Variants in ZNF726 observed in about 807,000 individuals in gnomAD.
ZNF726 encodes the protein zinc finger protein 92 pseudogene 3.
A neutral mutation model predicts 11.6 loss-of-function variants in ZNF726; 15 were observed. The observed-to-expected ratio is 1.29, with a 90% CI of 0.86 to 1.99. The LOEUF (loss-of-function observed/expected upper bound fraction) is 1.99. Among genes scored for constraint, ZNF726 ranks in the 30% most tolerant of loss-of-function variants. The pLI, the probability that ZNF726 is intolerant of heterozygous loss-of-function variation, is 0.00. For synonymous variants in ZNF726, 295 were observed against 243.6 expected, an observed-to-expected ratio of 1.21 and a Z score of -1.96; for missense variants, 890 against 725.6, an observed-to-expected ratio of 1.23 and a Z score of -2.60.
At chr19:23,937,680 G>C (rs1279503215), downstream of ZNF726, among the ~76,000 whole-genome samples, 2 of 151,658 alleles carry the variant, frequency 1.3e-5, no homozygotes, top group African/African-American at 4.8e-5. Flanking sequence ...CAGGCAGAGG[G>C]GCTCCTCACA....
intron 1 of ZNF726, among the ~76,000 whole-genome samples, chr19:23,917,726 A>G (rs1967739143): frequency 6.6e-6 from 1 of 152,220 alleles, no homozygotes. Context: ...TGAAAGGAAT[A>G]CATAGTTTTG....
chr19:23,938,533 GT>G (rs1002077841), downstream of ZNF726, among the ~76,000 whole-genome samples: 2 of 148,518 alleles, frequency 1.3e-5, no homozygotes, highest in East Asian at 4.0e-4. Flanking sequence ...CAAATTCTCT[GT>G]TTTAACTTGA....
rs528425797 is a variant in ZNF726, at chr19:23,932,179, T to C, written c.227-164T>C. ...ACATTTCCCACAGATGTATTTTGGTTTGTAAGTTTTTGTTACATTTAAATG... is the reference window on the plus strand; with the variant it reads ...ACATTTCCCACAGATGTATTTTGGTCTGTAAGTTTTTGTTACATTTAAATG... On this transcript the variant is annotated intron_variant, in intron 3 of 3. Transcript: ENST00000594466. 7.2e-5 allele frequency among the ~76,000 whole-genome samples: 11 copies of C among 152,302 alleles called. No individual in the cohort carries two copies. The South Asian group carries it at 2.3e-3, about 32-fold the overall frequency.
At chr19:23,915,224 T>C (rs1389002576) in intron 1 of ZNF726, among the ~76,000 whole-genome samples, 1 of 152,154 alleles carries the variant, frequency 6.6e-6, no homozygotes, top group Non-Finnish European at 1.5e-5. Context: ...TGCCCTGGCC[T>C]GGAGCCCTCT....
intron 3 of ZNF726, among the ~76,000 whole-genome samples, chr19:23,925,991 A>G (rs1422375724): frequency 1.3e-5 from 2 of 152,072 alleles, no homozygotes; most frequent in Admixed American, 6.5e-5. Context: ...CTGCAATTAC[A>G]GGTGTGAGCC....
Position 23,933,338 on chromosome 19 carries a change from C to T in ZNF726, c.1222C>T (p.Arg408Ter), listed in dbSNP as rs751639302. The T allele has an allele frequency of 6.8e-5, 109 of 1,611,536 alleles. No individual in the cohort carries two copies. Among genetic ancestry groups the T allele is most frequent in the African/African-American group, 3.5e-4 (26 of 74,324 alleles). The part of the protein sequence containing the change: ...KCEECGKAFH[R>*]SSNLTKHKII... ...TGAAGAATGTGGCAAAGCTTTTCAT[C>T]GATCCTCAAATCTTACTAAACATAA... Residue 408 changes from arginine to a stop codon, truncating the protein, a stop_gained, in exon 4 of 4, where the codon CGA (arginine) becomes TGA (stop). Transcript: ENST00000594466. LOFTEE classifies it low-confidence loss of function (END_TRUNC).
rs1307723016 is a variant in ZNF726, at chr19:23,914,973, C to A, written c.-22C>A. 1 of 1,613,514 alleles carries A rather than the reference C, an allele frequency of 6.2e-7. No homozygotes were observed. The highest frequency in any genetic ancestry group is 1.3e-5 in the African/African-American group (1 of 74,918). On this transcript the variant is annotated 5_prime_UTR_variant, in exon 1 of 4. Coordinates refer to ENST00000594466, the MANE Select transcript of ZNF726 (RefSeq NM_001244038.2). ...GGGCGCAGCCTCTGTGGCCCTGTGA[C>A]CTGCCCCCTGGAAGCCTAGAAATGG...
intron 3 of ZNF726, among the ~76,000 whole-genome samples, chr19:23,926,522 C>T (rs538724724): frequency 6.7e-6 from 1 of 150,216 alleles, no homozygotes; most frequent in African/African-American, 2.5e-5. Flanking sequence ...CCACTGCACT[C>T]CACCTGGGCT....
At chr19:23,919,646 G>T in intron 2 of ZNF726, 147 bp downstream of exon 2, 1 of 1,067,976 alleles carries the variant, frequency 9.4e-7, no homozygotes. Flanking sequence ...ATTTCTTCAA[G>T]ATGTTTCATC....
Position 23,933,365 on chromosome 19 carries a change from A to G in ZNF726, c.1249A>G (p.Ile417Val), listed in dbSNP as rs142813729. The change falls in exon 4 of 4, where the codon ATA (isoleucine) becomes GTA (valine). Residue 417 changes from isoleucine (I) to valine (V), a missense_variant. Coordinates refer to ENST00000594466, the MANE Select transcript of ZNF726 (RefSeq NM_001244038.2). The part of the protein sequence containing the change: ...HRSSNLTKHK[I>V]IHTGEKPYKC... The stretch of plus-strand genomic sequence containing the variant: ...ATCCTCAAATCTTACTAAACATAAG[A>G]TAATTCATACTGGAGAGAAACCTTA... 18 of 1,612,962 alleles carry G rather than the reference A, an allele frequency of 1.1e-5. No homozygotes were observed. Among genetic ancestry groups the G allele is most frequent in the Non-Finnish European group, 1.4e-5 (17 of 1,179,810 alleles).
downstream of ZNF726, among the ~76,000 whole-genome samples, chr19:23,937,141 AC>A (rs1366075259): frequency 8.6e-6 from 1 of 115,950 alleles, no homozygotes; most frequent in Non-Finnish European, 1.8e-5. Flanking sequence ...GGGGGGGCTG[AC>A]CCCCCCACCT....
chr19:23,942,794 G>A (rs1287737293), intron 3 of ZNF726, among the ~76,000 whole-genome samples: 2 of 151,984 alleles, frequency 1.3e-5, no homozygotes, highest in Non-Finnish European at 2.9e-5. Context: ...GTTTTCTTTT[G>A]GTGTCCATTT....
chr19:23,931,784 C>G (rs922581812), intron 3 of ZNF726, among the ~76,000 whole-genome samples: 2 of 152,122 alleles, frequency 1.3e-5, no homozygotes, highest in Non-Finnish European at 2.9e-5. Flanking sequence ...TAATCACTTG[C>G]TACACCTGTT....
intron 3 of ZNF726, among the ~76,000 whole-genome samples, chr19:23,939,978 T>C (rs1289738807): frequency 1.3e-5 from 2 of 151,638 alleles, no homozygotes; most frequent in Non-Finnish European, 2.9e-5. Context: ...GTGAGTTCTC[T>C]GTTTACTCCG....
chr19:23,927,460 G>T (rs1968013149), intron 3 of ZNF726, among the ~76,000 whole-genome samples: 1 of 151,850 alleles, frequency 6.6e-6, no homozygotes. Flanking sequence ...TGTAATTTTG[G>T]TCTTCTTAAA....
chr19:23,933,484 A>G lies in ZNF726; in HGVS notation c.1368A>G (p.Glu456=), dbSNP rs750425099. ...IHTREKPYKC[E]ECSKAFSRSS... Reference sequence around the variant, plus strand: ...CTAGAGAGAAACCCTACAAATGTGAAGAATGTAGTAAAGCATTTAGCCGAT... The same window carrying G: ...CTAGAGAGAAACCCTACAAATGTGAGGAATGTAGTAAAGCATTTAGCCGAT... The change falls in exon 4 of 4, where the codon GAA becomes GAG. Residue 456 remains glutamate (E), a synonymous_variant. Coordinates refer to ENST00000594466, the MANE Select transcript of ZNF726 (RefSeq NM_001244038.2). The G allele has an allele frequency of 1.7e-5, 27 of 1,612,778 alleles. 1 individual carries two copies. Among genetic ancestry groups the G allele is most frequent in the Middle Eastern group, 1.7e-4 (1 of 6,060 alleles).
intron 4 of ZNF726, chr19:23,944,362 T>A (rs1354985321): frequency 6.6e-6 from 1 of 152,190 alleles, no homozygotes; most frequent in African/African-American, 2.4e-5. Flanking sequence ...TTTCTTTGAG[T>A]AGATACCCAA....
intron 1 of ZNF726, among the ~76,000 whole-genome samples, chr19:23,917,737 C>T (rs569922333): frequency 4.7e-4 from 72 of 152,158 alleles, no homozygotes; most frequent in African/African-American, 1.7e-3. Context: ...CATAGTTTTG[C>T]TTTTCTTACT....
intron 1 of ZNF726, among the ~76,000 whole-genome samples, chr19:23,915,695 C>T (rs1018586205): frequency 6.6e-6 from 1 of 151,986 alleles, no homozygotes; most frequent in African/African-American, 2.4e-5. Context: ...ATTTTTCTGC[C>T]TCAGCCTCCC....
Sources: allele counts gnomAD v4.1 joint callset (sites outside exome capture counted in the v4.1 genomes callset), GRCh38; gene constraint gnomAD v4.1.1; transcripts MANE v1.5; gene names NCBI Gene and HGNC (gene_info 2026-07-23, HGNC 2026-07-21).